C11orf58: variants seen among roughly 807,000 people sequenced by gnomAD.
The protein encoded by C11orf58 is chromosome 11 open reading frame 58, also known as small acidic protein.
C11orf58 carries 5 observed loss-of-function variants against 22.7 expected under a neutral mutation model. The ratio of observed to expected loss-of-function variants is 0.22; its 90% CI spans 0.12 to 0.46. The LOEUF is 0.46. Among genes scored for constraint, C11orf58 ranks in the 20% least tolerant of loss-of-function variants. The pLI, the probability that C11orf58 is intolerant of heterozygous loss-of-function variation, is 0.99. For missense variants in C11orf58, 151 were observed against 223.3 expected, an observed-to-expected ratio of 0.68 and a Z score of 2.06; for synonymous variants, 71 against 70.7, an observed-to-expected ratio of 1.00 and a Z score of -0.02.
chr11:16,753,531 T>G (rs1848550027), intron 4 of C11orf58, among the ~76,000 whole-genome samples: 1 of 151,798 alleles, frequency 6.6e-6, no homozygotes, highest in African/African-American at 2.4e-5. Flanking sequence ...CCAGGCTAAT[T>G]TTTTGTATTT....
At chr11:16,744,749 A>G (rs1848475418) in intron 2 of C11orf58, 65 bp downstream of exon 2, 1 of 1,418,204 alleles carries the variant, frequency 7.1e-7, no homozygotes, top group East Asian at 2.3e-5. Context: ...TATGTATGCT[A>G]AGTAAGAAGG....
At chr11:16,753,164 A>T (rs1590075829) in intron 4 of C11orf58, among the ~76,000 whole-genome samples, 1 of 151,488 alleles carries the variant, frequency 6.6e-6, no homozygotes, top group Middle Eastern at 3.4e-3. Flanking sequence ...GATGTCTTCC[A>T]CCTCGCGGGT....
Position 16,752,890 on chromosome 11 carries a change from G to T in C11orf58, c.314G>T (p.Ser105Ile). 6.2e-7 allele frequency: 1 copy of T among 1,604,742 alleles called. No homozygotes were observed. Among genetic ancestry groups the T allele is most frequent in the Non-Finnish European group, 8.5e-7 (1 of 1,174,132 alleles). Residue 105 changes from serine (S) to isoleucine (I), a missense_variant, in exon 4 of 5, where the codon AGT (serine) becomes ATT (isoleucine). Ser to Ile is a moderately radical substitution (Grantham distance 142). Transcript: ENST00000228136. ...RYRRHCGLGF[S>I]EVEDHDGEGD... ...CGGCGACATTGTGGACTTGGCTTCA[G>T]TGAGGTAGTAATTAACTTATTTTCA...
chr11:16,744,671 T>TA lies in C11orf58; in HGVS notation c.134_135insA (p.Met45IlefsTer33). 6.2e-7 allele frequency: 1 copy of TA among 1,613,964 alleles called. No homozygotes were observed. Among genetic ancestry groups the TA allele is most frequent in the South Asian group, 1.1e-5 (1 of 91,054 alleles). ...AGAAAACAAAAGTTCTTGAGACTTA[T>TA]GGGTGCAGGAAAGGTAAGCATCAGA... On this transcript the variant is annotated frameshift_variant, in exon 2 of 5. Coordinates refer to ENST00000228136, the MANE Select transcript of C11orf58 (RefSeq NM_014267.6). LOFTEE classifies it high-confidence loss of function.
At chr11:16,747,938 C>A in intron 2 of C11orf58, 159 bp from the exon 3 acceptor site, 1 of 590,526 alleles carries the variant, frequency 1.7e-6, no homozygotes, top group Non-Finnish European at 3.0e-6. Flanking sequence ...CCATTCCTAC[C>A]CTTGCTAGAA....
intron 4 of C11orf58, among the ~76,000 whole-genome samples, chr11:16,754,604 A>C: frequency 1.2e-5 from 1 of 83,974 alleles, no homozygotes; most frequent in African/African-American, 4.8e-5. Flanking sequence ...GGGTCTCACT[A>C]TGTTGCCCAG....
chr11:16,744,615 T>C lies in C11orf58; in HGVS notation c.78T>C (p.Asn26=), dbSNP rs987311734. 1.9e-6 allele frequency: 3 copies of C among 1,613,824 alleles called. No homozygotes were observed. The highest frequency in any genetic ancestry group is 1.7e-5 in the Admixed American group (1 of 59,990). ...TTTTTTTCTAGCTGGGATCTAGCAA[T>C]TGGGAGGCAGCAGACTTGGGTAATG... ...ASPDDDLGSS[N]WEAADLGNEE... is the part of the protein sequence containing the mutation. Residue 26 remains asparagine (N), a synonymous_variant, in exon 2 of 5, where the codon AAT becomes AAC. Transcript: ENST00000228136.
At chr11:16,741,079 G>A (rs1848444062) in intron 1 of C11orf58, among the ~76,000 whole-genome samples, 2 of 143,132 alleles carry the variant, frequency 1.4e-5, no homozygotes, top group Admixed American at 7.2e-5. Context: ...CTGGGCGACA[G>A]AGCGAGACTC....
intron 1 of C11orf58, among the ~76,000 whole-genome samples, chr11:16,741,894 C>G (rs1301701641): frequency 6.6e-6 from 1 of 152,142 alleles, no homozygotes; most frequent in Admixed American, 6.5e-5. Flanking sequence ...ATAATTATTT[C>G]ATTATAGATT....
chr11:16,738,931 G>C (rs955121614), intron 1 of C11orf58, 90 bp downstream of exon 1: 41 of 1,442,174 alleles, frequency 2.8e-5, no homozygotes, highest in Non-Finnish European at 1.5e-5. Context: ...ACGCGCCTGA[G>C]GTGGCCTGCA....
Position 16,758,264 on chromosome 11 carries a change from C to G in C11orf58, c.*3160C>G, listed in dbSNP as rs959308598. 6.6e-6 allele frequency among the ~76,000 whole-genome samples: 1 copy of G among 152,152 alleles called. No individual in the cohort carries two copies. The highest frequency in any genetic ancestry group is 1.5e-5 in the Non-Finnish European group (1 of 68,036). ...CCAGCCCTAGATGTATCCAAGCCCT[C>G]CTACCCTCACCAGTTATTTCTGGAG... On this transcript the variant is annotated 3_prime_UTR_variant, in exon 5 of 5. Coordinates refer to ENST00000228136, the MANE Select transcript of C11orf58 (RefSeq NM_014267.6).
At position 16,757,540 on chromosome 11, in the gene C11orf58, GA is replaced by G. The variant is rs1848590149; in HGVS notation, c.*2438del. On this transcript the variant is annotated 3_prime_UTR_variant, in exon 5 of 5. Coordinates refer to ENST00000228136, the MANE Select transcript of C11orf58 (RefSeq NM_014267.6). The stretch of plus-strand genomic sequence containing the variant: ...AAACATAATGCTATCTTTTAAGCCT[GA>G]ACATGTGGGTTTTTTAAATCAAATT... 6.6e-6 allele frequency among the ~76,000 whole-genome samples: 1 copy of G among 152,164 alleles called. No homozygotes were observed. Among genetic ancestry groups the G allele is most frequent in the East Asian group, 1.9e-4 (1 of 5,200 alleles).
At position 16,752,837 on chromosome 11, in the gene C11orf58, T is replaced by C. The variant is rs780639649; in HGVS notation, c.261T>C (p.Ser87=). ...AACTGGAGTCTCAATATCAGCAAAG[T>C]ATGGACAGTAAATTATCAGGAAGAT... ...NEELESQYQQ[S]MDSKLSGRYR... Residue 87 remains serine (S), a synonymous_variant, in exon 4 of 5, where the codon AGT becomes AGC. Transcript: ENST00000228136. 58 of 1,613,074 alleles carry C rather than the reference T, an allele frequency of 3.6e-5. No individual in the cohort carries two copies. The Admixed American group carries it at 9.2e-4, about 26-fold the overall frequency.
At position 16,757,082 on chromosome 11, in the gene C11orf58, C is replaced by A. The variant is rs558243713; in HGVS notation, c.*1978C>A. 1.3e-5 allele frequency among the ~76,000 whole-genome samples: 2 copies of A among 151,420 alleles called. No individual in the cohort carries two copies. Among genetic ancestry groups the A allele is most frequent in the South Asian group, 4.2e-4 (2 of 4,772 alleles). The stretch of plus-strand genomic sequence containing the variant: ...ACATTTTTGAAAAATAGATGCTATC[C>A]TCTATAGTAAAATATTGAATCACTT... On this transcript the variant is annotated 3_prime_UTR_variant, in exon 5 of 5. Transcript: ENST00000228136.
In C11orf58 at chr11:16,744,693, CAGA is replaced by C; in HGVS notation, c.147+10_147+12del. 2 of 1,610,832 alleles carry C rather than the reference CAGA, an allele frequency of 1.2e-6. No homozygotes were observed. The highest frequency in any genetic ancestry group is 1.7e-6 in the Non-Finnish European group (2 of 1,177,920). The stretch of plus-strand genomic sequence containing the variant: ...TTATGGGTGCAGGAAAGGTAAGCAT[CAGA>C]TGGTGTGCATTTTTACCTTTTCTGT... On this transcript the variant is annotated intron_variant, in intron 2 of 4. Coordinates refer to ENST00000228136, the MANE Select transcript of C11orf58 (RefSeq NM_014267.6).
chr11:16,739,444 C>T (rs61881964), intron 1 of C11orf58: 1,839 of 152,996 alleles, frequency 0.012, 23 homozygotes, highest in South Asian at 0.042. Flanking sequence ...GATATTAATA[C>T]CTCGTTCTTC....
intron 1 of C11orf58, 34 bp from the exon 2 acceptor site, chr11:16,744,567 C>CA (rs536903912): frequency 4.7e-5 from 73 of 1,558,978 alleles, no homozygotes; most frequent in Non-Finnish European, 5.9e-5. Flanking sequence ...TATTTTTATG[C>CA]AAAAAAAATT....
At chr11:16,745,273 T>C (rs1320883618) in intron 2 of C11orf58, among the ~76,000 whole-genome samples, 1 of 152,144 alleles carries the variant, frequency 6.6e-6, no homozygotes, top group Non-Finnish European at 1.5e-5. Flanking sequence ...TTAACGTTAA[T>C]AGAAGGTACA....
intron 1 of C11orf58, among the ~76,000 whole-genome samples, chr11:16,740,545 A>G (rs1184321745): frequency 6.6e-6 from 1 of 151,630 alleles, no homozygotes; most frequent in African/African-American, 2.4e-5. Flanking sequence ...CACCACCACT[A>G]CAGTAGCTCG....
Sources: gnomAD v4.1 joint callset for allele counts (sites outside exome capture counted in the v4.1 genomes callset) on GRCh38, gnomAD v4.1.1 for gene constraint, MANE v1.5 for transcripts, NCBI Gene and HGNC (gene_info 2026-07-23, HGNC 2026-07-21) for gene names.